BMP5: variants seen among roughly 807,000 people sequenced by gnomAD.
BMP5 encodes the protein bone morphogenetic protein 5.
A neutral mutation model predicts 46.6 loss-of-function variants in BMP5; 23 were observed. That is an observed-to-expected ratio of 0.49 (90% confidence interval 0.35 to 0.70). The LOEUF is 0.70. Ranked by LOEUF, BMP5 falls within the 30% of genes least tolerant of loss-of-function variation. BMP5 has a pLI of 0.00. For synonymous variants in BMP5, 204 were observed against 191.9 expected (o/e 1.06, Z -0.52); for missense variants, 545 against 565.6 (o/e 0.96, Z 0.37).
At chr6:55,755,815 C>A in intron 6 of BMP5, 133 bp from the exon 7 acceptor site, 2 of 865,310 alleles carry the variant, frequency 2.3e-6, no homozygotes, top group Non-Finnish European at 3.7e-6. Context: ...CCCATTTATT[C>A]CATGACTGGG....
chr6:55,802,383 T>C (rs888646199), intron 2 of BMP5, among the ~76,000 whole-genome samples: 1 of 152,120 alleles, frequency 6.6e-6, no homozygotes, highest in African/African-American at 2.4e-5. Flanking sequence ...ACTACCACAA[T>C]ATGAGTAATG....
intron 1 of BMP5, among the ~76,000 whole-genome samples, chr6:55,845,021 T>C (rs1777062254): frequency 6.6e-6 from 1 of 152,062 alleles, no homozygotes; most frequent in Non-Finnish European, 1.5e-5. Flanking sequence ...GTTATATTTA[T>C]TATTGTCTAT....
chr6:55,756,466 C>A (rs1281149945), intron 6 of BMP5, among the ~76,000 whole-genome samples: 2 of 151,912 alleles, frequency 1.3e-5, no homozygotes, highest in Non-Finnish European at 2.9e-5. Flanking sequence ...TAATTTTGAT[C>A]AGACTGGCAG....
Position 55,774,256 on chromosome 6 carries a change from A to G in BMP5, c.833-13T>C. 1.2e-6 allele frequency: 2 copies of G among 1,610,714 alleles called. No individual in the cohort carries two copies. Among genetic ancestry groups the G allele is most frequent in the Non-Finnish European group, 1.7e-6 (2 of 1,177,470 alleles). On this transcript the variant is annotated splice_polypyrimidine_tract_variant and intron_variant, in intron 3 of 6. Transcript: ENST00000370830. ...TTGATACTGCGTCCTAGAACGTAAT[A>G]CAAAAGCACTTGGTTTATGAAAAAG...
At chr6:55,837,760 A>G (rs770484456) in intron 1 of BMP5, among the ~76,000 whole-genome samples, 2 of 151,970 alleles carry the variant, frequency 1.3e-5, no homozygotes, top group Non-Finnish European at 2.9e-5. Context: ...CATTCTTTCT[A>G]TTTTTTTGTA....
intron 1 of BMP5, among the ~76,000 whole-genome samples, chr6:55,859,135 TA>T (rs960552943): frequency 4.2e-4 from 64 of 151,568 alleles, no homozygotes; most frequent in African/African-American, 1.3e-3. Flanking sequence ...AGTAAAATTT[TA>T]AAAAAAAAGT....
intron 3 of BMP5, among the ~76,000 whole-genome samples, chr6:55,777,929 A>G (rs1486641091): frequency 1.3e-5 from 2 of 152,054 alleles, no homozygotes; most frequent in Non-Finnish European, 2.9e-5. Context: ...GATTCTCTCT[A>G]TATGAGAAGA....
At position 55,775,226 on chromosome 6, in the gene BMP5, C is replaced by A. The variant is rs545061618; in HGVS notation, c.833-983G>T. On this transcript the variant is annotated intron_variant, in intron 3 of 6. Coordinates refer to ENST00000370830, the MANE Select transcript of BMP5 (RefSeq NM_021073.4). ...TCCCATGTGGGTAGTAATAATAATACTTAAAACTATGTCAAATCACTTTGG... is the reference window on the plus strand; with the variant it reads ...TCCCATGTGGGTAGTAATAATAATAATTAAAACTATGTCAAATCACTTTGG... Among the ~76,000 whole-genome samples the A allele has an allele frequency of 3.3e-5, 5 of 152,000 alleles. No homozygotes were observed. The South Asian group carries it at 1.0e-3, about 31-fold the overall frequency.
intron 3 of BMP5, among the ~76,000 whole-genome samples, chr6:55,778,448 A>G (rs1775229246): frequency 6.6e-6 from 1 of 152,034 alleles, no homozygotes; most frequent in South Asian, 2.1e-4. Flanking sequence ...GGTATCATAT[A>G]ATACTTGGAT....
At chr6:55,874,349 A>T in intron 1 of BMP5, 27 bp downstream of exon 1, 2 of 1,612,594 alleles carry the variant, frequency 1.2e-6, no homozygotes, top group South Asian at 2.2e-5. Flanking sequence ...GTAATAACAT[A>T]GATTAACAAA....
intron 3 of BMP5, among the ~76,000 whole-genome samples, chr6:55,786,839 C>T (rs779782851): frequency 2.6e-5 from 4 of 151,352 alleles, no homozygotes; most frequent in Non-Finnish European, 5.9e-5. Context: ...ATTGTCATCA[C>T]CATAAATTCA....
At chr6:55,783,439 T>A (rs536717878) in intron 3 of BMP5, among the ~76,000 whole-genome samples, 1 of 152,146 alleles carries the variant, frequency 6.6e-6, no homozygotes, top group Non-Finnish European at 1.5e-5. Flanking sequence ...ATGCCAAAAT[T>A]TAACTCTCAG....
chr6:55,779,526 T>G (rs1216282215), intron 3 of BMP5, among the ~76,000 whole-genome samples: 2 of 152,070 alleles, frequency 1.3e-5, no homozygotes, highest in African/African-American at 4.8e-5. Context: ...ATACTAGAAT[T>G]CTACCCTTTT....
intron 1 of BMP5, among the ~76,000 whole-genome samples, chr6:55,856,486 C>G (rs374859106): frequency 1.8e-4 from 28 of 152,142 alleles, no homozygotes; most frequent in African/African-American, 6.5e-4. Context: ...TTTTGCATAC[C>G]TACCAGCAAT....
Position 55,794,088 on chromosome 6 carries a change from G to C in BMP5, c.832+191C>G, listed in dbSNP as rs533005019. On this transcript the variant is annotated intron_variant, in intron 3 of 6. Coordinates refer to ENST00000370830, the MANE Select transcript of BMP5 (RefSeq NM_021073.4). ...TTCTTTACCTCCCACCCCAGAGCCT[G>C]ACAATAAATGTATTGGATAAATGTG... Among the ~76,000 whole-genome samples the C allele has an allele frequency of 1.2e-4, 19 of 152,204 alleles. 1 individual carries two copies. In the South Asian group the frequency reaches 3.7e-3, roughly 30 times the overall value.
chr6:55,854,714 T>C (rs1280168849), intron 1 of BMP5, among the ~76,000 whole-genome samples: 1 of 152,148 alleles, frequency 6.6e-6, no homozygotes, highest in Non-Finnish European at 1.5e-5. Context: ...CTTCATTGAA[T>C]TGATAGATTC....
At chr6:55,843,650 CT>C (rs1438088370) in intron 1 of BMP5, among the ~76,000 whole-genome samples, 1 of 151,892 alleles carries the variant, frequency 6.6e-6, no homozygotes, top group Non-Finnish European at 1.5e-5. Flanking sequence ...GTGGAGTAAT[CT>C]GAGATTAAGG....
intron 4 of BMP5, among the ~76,000 whole-genome samples, chr6:55,771,924 G>A (rs748844291): frequency 2.0e-5 from 3 of 151,812 alleles, no homozygotes; most frequent in Non-Finnish European, 4.4e-5. Flanking sequence ...AGTCTCTGAA[G>A]TATCAAATTT....
rs568611133 is a variant in BMP5, at chr6:55,757,128, C to T, written c.1216-1446G>A. Among the ~76,000 whole-genome samples the T allele has an allele frequency of 2.6e-5, 4 of 151,850 alleles. No individual in the cohort carries two copies. In the South Asian group the frequency reaches 8.3e-4, roughly 32 times the overall value. On this transcript the variant is annotated intron_variant, in intron 6 of 6. Coordinates refer to ENST00000370830, the MANE Select transcript of BMP5 (RefSeq NM_021073.4). Reference sequence around the variant, plus strand: ...ATATTTGTTTTTTGATACTTTACTACAGCCATAAGAGCTGAAAATATGTAT... The same window carrying T: ...ATATTTGTTTTTTGATACTTTACTATAGCCATAAGAGCTGAAAATATGTAT...
Sources: gnomAD v4.1 joint callset for allele counts (sites outside exome capture counted in the v4.1 genomes callset) on GRCh38, gnomAD v4.1.1 for gene constraint, MANE v1.5 for transcripts, NCBI Gene and HGNC (gene_info 2026-07-23, HGNC 2026-07-21) for gene names.